TAPT1: variants seen among roughly 807,000 people sequenced by gnomAD.
TAPT1 encodes the protein transmembrane anterior posterior transformation 1, also known as transmembrane anterior posterior transformation protein 1 homolog.
Under a neutral mutation model 65.6 loss-of-function variants are expected in TAPT1, and 28 were observed. That is an observed-to-expected ratio of 0.43 (90% CI 0.32 to 0.59). TAPT1 has a LOEUF of 0.59. Ranked by LOEUF, TAPT1 falls within the 20% of genes least tolerant of loss-of-function variation. The pLI is 0.09. For missense variants in TAPT1, 563 were observed against 679.9 expected, an observed-to-expected ratio of 0.83 and a Z score of 1.91; for synonymous variants, 278 against 245.2, an observed-to-expected ratio of 1.13 and a Z score of -1.25.
At chr4:16,186,752 C>T in intron 6 of TAPT1, 29 bp downstream of exon 6, 1 of 1,532,040 alleles carries the variant, frequency 6.5e-7, no homozygotes, top group Non-Finnish European at 9.0e-7. Context: ...TGTATAACTT[C>T]AAAAATGTAA....
chr4:16,217,588 C>T (rs1751014512), intron 1 of TAPT1, among the ~76,000 whole-genome samples: 1 of 152,140 alleles, frequency 6.6e-6, no homozygotes, highest in African/African-American at 2.4e-5. Flanking sequence ...TTTTTCTTTA[C>T]CGCTGAATTT....
chr4:16,216,230 C>A (rs1231936764), intron 1 of TAPT1: 1 of 152,280 alleles, frequency 6.6e-6, no homozygotes, highest in African/African-American at 2.4e-5. Flanking sequence ...GGTAGCCCTT[C>A]CTCCTGTACC....
chr4:16,188,091 T>C (rs2149688830), intron 5 of TAPT1, 129 bp downstream of exon 5: 1 of 772,024 alleles, frequency 1.3e-6, no homozygotes, highest in Non-Finnish European at 1.9e-6. Context: ...AGAACACAAA[T>C]ATTTCACATT....
chr4:16,221,218 C>T (rs930837027), intron 1 of TAPT1, among the ~76,000 whole-genome samples: 2 of 152,092 alleles, frequency 1.3e-5, no homozygotes, highest in Admixed American at 1.3e-4. Flanking sequence ...CCTCCACCTC[C>T]TGGGTTCCAG....
At chr4:16,217,942 C>T (rs2108895587) in intron 1 of TAPT1, among the ~76,000 whole-genome samples, 1 of 152,320 alleles carries the variant, frequency 6.6e-6, no homozygotes, top group South Asian at 2.1e-4. Flanking sequence ...ATGATGCAGT[C>T]ACAGCCAGTG....
chr4:16,166,843 C>T (rs1280119503), intron 12 of TAPT1, 50 bp from the exon 13 acceptor site: 1 of 1,577,490 alleles, frequency 6.3e-7, no homozygotes, highest in Non-Finnish European at 8.7e-7. Flanking sequence ...CATCTAAATC[C>T]CTGTGAATGC....
chr4:16,178,633 A>AT (rs1258834022), intron 8 of TAPT1, among the ~76,000 whole-genome samples: 1 of 152,128 alleles, frequency 6.6e-6, no homozygotes, highest in African/African-American at 2.4e-5. Flanking sequence ...ATGTCGTAGT[A>AT]TTTTTTACAT....
intron 8 of TAPT1, among the ~76,000 whole-genome samples, chr4:16,178,655 C>T (rs1748504445): frequency 6.6e-6 from 1 of 152,188 alleles, no homozygotes; most frequent in Admixed American, 6.5e-5. Flanking sequence ...GCCACAGTGC[C>T]TGTCCTTGTG....
intron 2 of TAPT1, among the ~76,000 whole-genome samples, chr4:16,212,447 T>C (rs925137997): frequency 9.2e-5 from 14 of 152,224 alleles, no homozygotes; most frequent in African/African-American, 3.4e-4. Context: ...ACACAAGAAC[T>C]GGTTTAATCT....
At chr4:16,224,174 TCC>T (rs1192593809) in intron 1 of TAPT1, among the ~76,000 whole-genome samples, 1 of 152,132 alleles carries the variant, frequency 6.6e-6, no homozygotes, top group East Asian at 1.9e-4. Flanking sequence ...TCCAAATGAC[TCC>T]AGGTGCTGCC....
chr4:16,186,654 A>G, intron 6 of TAPT1, 50 bp from the exon 7 acceptor site: 1 of 1,419,362 alleles, frequency 7.0e-7, no homozygotes, highest in Non-Finnish European at 9.7e-7. Context: ...CAGTTTAAAA[A>G]CTGGACTTGC....
intron 12 of TAPT1, among the ~76,000 whole-genome samples, chr4:16,168,386 G>C (rs1481569421): frequency 6.6e-6 from 1 of 152,182 alleles, no homozygotes; most frequent in Non-Finnish European, 1.5e-5. Flanking sequence ...TGGGGCTACA[G>C]GCATGAGCCA....
intron 11 of TAPT1, among the ~76,000 whole-genome samples, chr4:16,173,138 T>C (rs76727975): frequency 0.053 from 8,115 of 152,266 alleles, 239 homozygotes; most frequent in Middle Eastern, 0.14. Flanking sequence ...GCATCTGTTT[T>C]GATGTTAGAA....
intron 2 of TAPT1, among the ~76,000 whole-genome samples, chr4:16,204,647 CGCAACCGGGCA>C (rs1750238172): frequency 6.6e-6 from 1 of 152,174 alleles, no homozygotes; most frequent in South Asian, 2.1e-4. Flanking sequence ...TTCTGGGCAA[CGCAACCGGGCA>C]CTGGCCAGGT....
At chr4:16,176,785 G>C (rs1218905038) in intron 8 of TAPT1, 1 of 152,256 alleles carries the variant, frequency 6.6e-6, no homozygotes, top group Non-Finnish European at 1.5e-5. Flanking sequence ...GTTTAGCAGA[G>C]AGCCTCTGCC....
intron 2 of TAPT1, among the ~76,000 whole-genome samples, chr4:16,212,674 T>C (rs1750715105): frequency 1.3e-5 from 2 of 152,158 alleles, no homozygotes; most frequent in African/African-American, 4.8e-5. Flanking sequence ...ACAGTAATAG[T>C]TGAGCATATT....
intron 10 of TAPT1, 75 bp from the exon 11 acceptor site, chr4:16,174,347 A>G (rs564186432): frequency 7.7e-6 from 10 of 1,299,384 alleles, no homozygotes; most frequent in Non-Finnish European, 9.7e-6. Context: ...TTCACTTATT[A>G]CCAGCAAATG....
At chr4:16,169,633 A>G (rs1370070803) in intron 12 of TAPT1, among the ~76,000 whole-genome samples, 1 of 152,254 alleles carries the variant, frequency 6.6e-6, no homozygotes, top group African/African-American at 2.4e-5. Context: ...CACATGACCT[A>G]CACACAGCTC....
chr4:16,215,478 T>C (rs967641808), intron 1 of TAPT1, among the ~76,000 whole-genome samples: 2 of 152,188 alleles, frequency 1.3e-5, no homozygotes, highest in Non-Finnish European at 2.9e-5. Context: ...ATTCCATATA[T>C]ATGTGTATGT....
Sources: allele counts gnomAD v4.1 joint callset (sites outside exome capture counted in the v4.1 genomes callset), GRCh38; gene constraint gnomAD v4.1.1; transcripts MANE v1.5; gene names NCBI Gene and HGNC (gene_info 2026-07-23, HGNC 2026-07-21).